The following RGS7 variants were observed in gnomAD, a reference collection of about 807,000 sequenced individuals.
The protein encoded by RGS7 is regulator of G-protein signaling 7.
A neutral mutation model predicts 81.1 loss-of-function variants in RGS7; 27 were observed. The ratio of observed to expected loss-of-function variants is 0.33; its 90% CI spans 0.25 to 0.46. RGS7 has a LOEUF of 0.46. Ranked by LOEUF, RGS7 falls within the 20% of genes least tolerant of loss-of-function variation. The pLI is 1.00. For missense variants in RGS7, 396 were observed against 607.4 expected (o/e 0.65, Z 3.66); for synonymous variants, 208 against 207.7 (o/e 1.00, Z -0.01).
intron 3 of RGS7, among the ~76,000 whole-genome samples, chr1:241,027,589 G>A (rs190720522): frequency 6.6e-6 from 1 of 151,428 alleles, no homozygotes; most frequent in East Asian, 1.9e-4. Context: ...TGAAAAGGGA[G>A]ATGAGAATGA....
intron 9 of RGS7, among the ~76,000 whole-genome samples, chr1:240,842,489 G>T (rs1215587864): frequency 6.6e-6 from 1 of 151,942 alleles, no homozygotes; most frequent in Admixed American, 6.6e-5. Flanking sequence ...ACTGCGCCTG[G>T]CTGTTTGTCA....
At chr1:241,267,332 C>A (rs2077643984) in intron 2 of RGS7, among the ~76,000 whole-genome samples, 1 of 152,222 alleles carries the variant, frequency 6.6e-6, no homozygotes, top group Non-Finnish European at 1.5e-5. Flanking sequence ...CTCTTCAGGA[C>A]TCCGAAGGGA....
At chr1:241,342,022 G>A (rs560313200) in intron 2 of RGS7, among the ~76,000 whole-genome samples, 98 of 151,804 alleles carry the variant, frequency 6.5e-4, no homozygotes, top group Non-Finnish European at 9.3e-4. Flanking sequence ...TTACAGGCCC[G>A]TACCACCACA....
intron 2 of RGS7, among the ~76,000 whole-genome samples, chr1:241,242,584 A>G (rs939481948): frequency 1.3e-5 from 2 of 152,204 alleles, no homozygotes; most frequent in Non-Finnish European, 2.9e-5. Flanking sequence ...ACTGGTTTAC[A>G]TTCCCACCAG....
At chr1:241,353,913 A>T (rs985594996) in intron 2 of RGS7, among the ~76,000 whole-genome samples, 2 of 152,080 alleles carry the variant, frequency 1.3e-5, no homozygotes, top group East Asian at 3.8e-4. Flanking sequence ...CTGTCTTCTT[A>T]TTTTTTCTTT....
At chr1:241,310,363 G>A (rs1279711578) in intron 2 of RGS7, among the ~76,000 whole-genome samples, 1 of 150,138 alleles carries the variant, frequency 6.7e-6, no homozygotes, top group African/African-American at 2.4e-5. Context: ...GAAGGTGTGA[G>A]AGTGTGTGTG....
intron 3 of RGS7, among the ~76,000 whole-genome samples, chr1:241,050,294 C>A (rs902310220): frequency 9.9e-5 from 15 of 152,074 alleles, no homozygotes; most frequent in African/African-American, 3.6e-4. Flanking sequence ...AGAGCTTGGG[C>A]ATGCAGACTG....
intron 3 of RGS7, among the ~76,000 whole-genome samples, chr1:241,098,373 A>G (rs542155765): frequency 3.0e-4 from 45 of 152,340 alleles, no homozygotes; most frequent in Non-Finnish European, 5.4e-4. Flanking sequence ...ATTTCCATAT[A>G]CAACCTTCAT....
intron 2 of RGS7, among the ~76,000 whole-genome samples, chr1:241,149,901 G>A (rs575217708): frequency 1.3e-4 from 20 of 152,180 alleles, no homozygotes; most frequent in Admixed American, 2.6e-4. Context: ...TCAGCCTCCC[G>A]AGTAGCTGGG....
intron 3 of RGS7, among the ~76,000 whole-genome samples, chr1:241,027,063 C>T (rs1295203160): frequency 1.3e-5 from 2 of 150,190 alleles, no homozygotes; most frequent in African/African-American, 2.4e-5. Context: ...ATTAGCCAGG[C>T]GGGGTGGTAC....
chr1:241,306,495 TACAC>T (rs975437493), intron 2 of RGS7, among the ~76,000 whole-genome samples: 1 of 144,886 alleles, frequency 6.9e-6, no homozygotes, highest in African/African-American at 2.6e-5. Context: ...CACACATTGT[TACAC>T]AAACACCCTC....
At chr1:241,211,660 T>G (rs1289244437) in intron 2 of RGS7, among the ~76,000 whole-genome samples, 5 of 152,208 alleles carry the variant, frequency 3.3e-5, no homozygotes, top group Admixed American at 3.3e-4. Context: ...CTACAAGGAA[T>G]TGAACTTCGA....
rs146213154 is a variant in RGS7, at chr1:241,084,297, T to C, written c.175+14369A>G. 5.5e-3 allele frequency among the ~76,000 whole-genome samples: 837 copies of C among 152,316 alleles called. 6 individuals are homozygous for C. Among genetic ancestry groups the C allele is most frequent in the African/African-American group, 0.019 (795 of 41,576 alleles). ...TTTAAGGTCAACTTGACTTTAAAAC[T>C]CATATACTGCTCAGTTTTCATATAC... is the stretch of plus-strand genomic sequence containing the variant. On this transcript the variant is annotated intron_variant, in intron 3 of 18. Transcript: ENST00000440928.
intron 2 of RGS7, among the ~76,000 whole-genome samples, chr1:241,353,293 C>T (rs1275140521): frequency 2.0e-5 from 3 of 152,078 alleles, no homozygotes; most frequent in Admixed American, 6.6e-5. Flanking sequence ...GAAATTTGGC[C>T]TCTACTGAGA....
At chr1:241,324,260 T>C (rs2081366715) in intron 2 of RGS7, among the ~76,000 whole-genome samples, 1 of 152,146 alleles carries the variant, frequency 6.6e-6, no homozygotes, top group South Asian at 2.1e-4. Context: ...AGGTAGACTA[T>C]TATAGTTAAG....
At chr1:240,932,799 T>C (rs146969549) in intron 5 of RGS7, among the ~76,000 whole-genome samples, 3,989 of 144,602 alleles carry the variant, frequency 0.028, 156 homozygotes, top group African/African-American at 0.093. Flanking sequence ...TGAGCCACTG[T>C]GCCCGGCCTA....
intron 4 of RGS7, among the ~76,000 whole-genome samples, chr1:240,942,379 C>G (rs1046516409): frequency 6.6e-6 from 1 of 152,132 alleles, no homozygotes; most frequent in South Asian, 2.1e-4. Flanking sequence ...ATTTTTCTTA[C>G]CCAGAGGCTC....
chr1:241,170,146 C>A (rs894566990), intron 2 of RGS7, among the ~76,000 whole-genome samples: 2 of 151,994 alleles, frequency 1.3e-5, no homozygotes, highest in African/African-American at 4.8e-5. Flanking sequence ...TCTTGACATG[C>A]TAATTCCATA....
At chr1:241,290,036 T>C (rs982016396) in intron 2 of RGS7, among the ~76,000 whole-genome samples, 5 of 152,236 alleles carry the variant, frequency 3.3e-5, no homozygotes, top group Admixed American at 3.3e-4. Context: ...GCTAAAGCAG[T>C]ACTACACTTT....
Sources: allele counts gnomAD v4.1 joint callset (sites outside exome capture counted in the v4.1 genomes callset), GRCh38; gene constraint gnomAD v4.1.1; transcripts MANE v1.5; gene names NCBI Gene and HGNC (gene_info 2026-07-23, HGNC 2026-07-21).